NTRK3: variants seen among roughly 807,000 people sequenced by gnomAD.
NTRK3 encodes the protein NT-3 growth factor receptor.
NTRK3 carries 24 observed loss-of-function variants against 91.7 expected under a neutral mutation model. That is an observed-to-expected ratio of 0.26 (90% CI 0.19 to 0.37). The LOEUF (loss-of-function observed/expected upper bound fraction) is 0.37, where lower values mean the gene tolerates loss of function less well. Ranked by LOEUF, NTRK3 falls within the 10% of genes least tolerant of loss-of-function variation. The pLI is 1.00. For missense variants in NTRK3, 880 were observed against 1,068.9 expected, an observed-to-expected ratio of 0.82 and a Z score of 2.46; for synonymous variants, 483 against 404.0, an observed-to-expected ratio of 1.20 and a Z score of -2.34.
intron 3 of NTRK3, among the ~76,000 whole-genome samples, chr15:88,191,641 C>T (rs963569155): frequency 2.6e-5 from 4 of 152,194 alleles, no homozygotes; most frequent in Admixed American, 6.5e-5. Flanking sequence ...CACAATGTGC[C>T]GCGCTTTTGA....
intron 17 of NTRK3, among the ~76,000 whole-genome samples, chr15:87,919,509 T>G (rs1229735512): frequency 1.3e-5 from 2 of 152,196 alleles, no homozygotes; most frequent in Non-Finnish European, 2.9e-5. Flanking sequence ...TCTATACTTT[T>G]CAGAATACCT....
At chr15:88,090,491 G>A (rs139819166) in intron 13 of NTRK3, among the ~76,000 whole-genome samples, 11 of 152,296 alleles carry the variant, frequency 7.2e-5, no homozygotes, top group African/African-American at 2.6e-4. Flanking sequence ...AGGAGAAAGA[G>A]TGAGATCTCA....
At chr15:88,178,679 T>A (rs1351059533) in intron 5 of NTRK3, among the ~76,000 whole-genome samples, 1 of 152,228 alleles carries the variant, frequency 6.6e-6, no homozygotes, top group Non-Finnish European at 1.5e-5. Context: ...GAATCTTACA[T>A]TAAATATTCT....
Position 88,056,679 on chromosome 15 carries a change from G to A in NTRK3, c.1397-23634C>T, listed in dbSNP as rs186480011. Among the ~76,000 whole-genome samples, 107 of 152,292 alleles carry A rather than the reference G, an allele frequency of 7.0e-4. 1 individual carries two copies. The East Asian group carries it at 0.017, about 24-fold the overall frequency. On this transcript the variant is annotated intron_variant, in intron 13 of 18. Coordinates refer to ENST00000394480, the Ensembl canonical transcript of NTRK3. ...TTCCACAAAGCCTTAGCATGGTTCC[G>A]CATGGTCTGAGAATCTCTGAGGCAA...
chr15:88,201,164 C>T (rs1016983152), intron 3 of NTRK3, among the ~76,000 whole-genome samples: 5 of 152,198 alleles, frequency 3.3e-5, no homozygotes, highest in African/African-American at 1.2e-4. Flanking sequence ...AGATTCAAGC[C>T]CTGATATCTT....
chr15:88,165,525 T>C (rs2044851451), intron 5 of NTRK3, among the ~76,000 whole-genome samples: 1 of 152,172 alleles, frequency 6.6e-6, no homozygotes, highest in Admixed American at 6.5e-5. Flanking sequence ...TTACCAATAA[T>C]CATGAGAGTA....
exon 19 of NTRK3, chr15:87,872,112 G>A (rs555599108): frequency 1.8e-5 from 4 of 221,828 alleles, no homozygotes; most frequent in Non-Finnish European, 3.6e-5. Flanking sequence ...CTTCTAGCAG[G>A]TTGGCTCCCT....
chr15:88,095,429 G>T (rs1402176452), intron 13 of NTRK3, among the ~76,000 whole-genome samples: 2 of 152,158 alleles, frequency 1.3e-5, no homozygotes, highest in African/African-American at 2.4e-5. Context: ...GGTCTCCATT[G>T]AACCATGGCT....
intron 17 of NTRK3, 142 bp from the exon 19 acceptor site, chr15:87,880,570 G>A: frequency 9.8e-7 from 1 of 1,016,552 alleles, no homozygotes; most frequent in Non-Finnish European, 1.5e-6. Flanking sequence ...TCTATCAGAG[G>A]TGTGTGAAGA....
At chr15:88,157,691 G>C (rs1343649285) in intron 5 of NTRK3, among the ~76,000 whole-genome samples, 1 of 152,188 alleles carries the variant, frequency 6.6e-6, no homozygotes, top group Non-Finnish European at 1.5e-5. Flanking sequence ...GCCTACACGA[G>C]GGACGCCGAG....
chr15:88,055,440 CAT>C (rs2045594139), intron 13 of NTRK3, among the ~76,000 whole-genome samples: 1 of 152,166 alleles, frequency 6.6e-6, no homozygotes, highest in South Asian at 2.1e-4. Flanking sequence ...AATCAAATAA[CAT>C]ATTTCCTGGA....
At position 88,136,727 on chromosome 15, in the gene NTRK3, C is replaced by T. The variant is rs867475745; in HGVS notation, c.623-118G>A. Reference sequence around the variant, plus strand: ...TTGCCCAGTAATGACTCTAACACCACCTGCTTGAGTTCTTGGAAGACCCGC... The same window carrying T: ...TTGCCCAGTAATGACTCTAACACCATCTGCTTGAGTTCTTGGAAGACCCGC... On this transcript the variant is annotated intron_variant, in intron 7 of 18. Transcript: ENST00000394480. 1.7e-5 allele frequency: 21 copies of T among 1,262,662 alleles called. No homozygotes were observed. The African/African-American group carries it at 2.2e-4, about 13-fold the overall frequency. The allele number at this position is 1,262,662 out of a possible 1,614,324, so 78.2% of individuals were successfully genotyped here.
chr15:88,018,549 C>G (rs549419402), intron 14 of NTRK3, among the ~76,000 whole-genome samples: 6 of 152,280 alleles, frequency 3.9e-5, no homozygotes, highest in Non-Finnish European at 7.4e-5. Context: ...GTGGGGAACA[C>G]TACACTTACA....
chr15:87,863,974 TACACACACACACACACACATACAC>T (rs2064592346), exon 19 of NTRK3: 1 of 202,308 alleles, frequency 4.9e-6, no homozygotes, highest in Non-Finnish European at 9.7e-6. Flanking sequence ...CCAGGCAAAA[TACACACACACACACACACATACAC>T]ACACACACAC....
intron 7 of NTRK3, among the ~76,000 whole-genome samples, 177 bp from the exon 8 acceptor site, chr15:88,136,786 G>C (rs1027976562): frequency 6.6e-6 from 1 of 152,188 alleles, no homozygotes; most frequent in Non-Finnish European, 1.5e-5. Context: ...CTCCCCAGTA[G>C]ACATCAGAAC....
chr15:88,149,632 A>T (rs558057685), intron 5 of NTRK3, among the ~76,000 whole-genome samples: 3 of 152,332 alleles, frequency 2.0e-5, no homozygotes, highest in African/African-American at 4.8e-5. Context: ...ATAAAAGAAG[A>T]ACTGCAGTGA....
At chr15:88,007,785 C>T (rs1162109549) in intron 14 of NTRK3, among the ~76,000 whole-genome samples, 1 of 152,186 alleles carries the variant, frequency 6.6e-6, no homozygotes, top group African/African-American at 2.4e-5. Context: ...GCACACAAAC[C>T]AGCTGTGTTT....
In NTRK3 at chr15:87,988,493, T is replaced by C. The variant is rs540713959; in HGVS notation, c.1585+44364A>G. Among the ~76,000 whole-genome samples, 4 of 152,322 alleles carry C rather than the reference T, an allele frequency of 2.6e-5. No homozygotes were observed. In the East Asian group the frequency reaches 7.7e-4, roughly 29 times the overall value. On this transcript the variant is annotated intron_variant, in intron 14 of 18. Coordinates refer to ENST00000394480, the Ensembl canonical transcript of NTRK3. ...AATGTATCATGGTGATATAGAATGA[T>C]TACAATAGGAGAAACTGGATGAGAG...
chr15:87,905,885 A>G (rs952508235), intron 17 of NTRK3, among the ~76,000 whole-genome samples: 3 of 152,186 alleles, frequency 2.0e-5, no homozygotes, highest in African/African-American at 4.8e-5. Flanking sequence ...TCCCATGCCC[A>G]TCCCCATTTC....
Sources: gnomAD v4.1 joint callset for allele counts (sites outside exome capture counted in the v4.1 genomes callset) on GRCh38, gnomAD v4.1.1 for gene constraint, MANE v1.5 for transcripts, NCBI Gene and HGNC (gene_info 2026-07-23, HGNC 2026-07-21) for gene names.